The following ANKRD13C variants were observed in gnomAD, a reference collection of about 807,000 sequenced individuals.
ANKRD13C encodes the protein ankyrin repeat domain-containing protein 13C.
ANKRD13C carries 16 observed loss-of-function variants against 65.5 expected under a neutral mutation model. The ratio of observed to expected loss-of-function variants is 0.24; its 90% CI spans 0.17 to 0.37. ANKRD13C has a LOEUF of 0.37. ANKRD13C is among the 10% of genes least tolerant of loss of function. ANKRD13C has a pLI of 1.00. For synonymous variants in ANKRD13C, 235 were observed against 238.7 expected (o/e 0.98, Z 0.14); for missense variants, 503 against 655.9 (o/e 0.77, Z 2.55).
chr1:70,316,042 A>G (rs1293945826), intron 3 of ANKRD13C, among the ~76,000 whole-genome samples: 2 of 152,220 alleles, frequency 1.3e-5, no homozygotes, highest in Non-Finnish European at 2.9e-5. Context: ...GAAGATCTCA[A>G]AAACAACAGA....
chr1:70,263,502 TAC>T (rs141826122), intron 12 of ANKRD13C, among the ~76,000 whole-genome samples: 2,499 of 152,240 alleles, frequency 0.016, 52 homozygotes, highest in African/African-American at 0.046. Flanking sequence ...AATGAACAAA[TAC>T]ACATTAAATT....
intron 5 of ANKRD13C, among the ~76,000 whole-genome samples, chr1:70,308,874 ACT>A (rs1444149046): frequency 3.3e-5 from 5 of 152,030 alleles, no homozygotes; most frequent in East Asian, 1.9e-4. Context: ...GTCTGAAATA[ACT>A]CTTTTTCTCC....
At chr1:70,325,544 T>C (rs1004824303) in intron 2 of ANKRD13C, among the ~76,000 whole-genome samples, 3 of 152,220 alleles carry the variant, frequency 2.0e-5, no homozygotes, top group African/African-American at 7.2e-5. Flanking sequence ...GTCTAAGGTA[T>C]AGACCTTTCT....
At chr1:70,268,175 C>T (rs1312048685) in intron 12 of ANKRD13C, among the ~76,000 whole-genome samples, 1 of 151,742 alleles carries the variant, frequency 6.6e-6, no homozygotes, top group East Asian at 1.9e-4. Context: ...CTAGCTTCCC[C>T]GCCCCCACCT....
intron 2 of ANKRD13C, among the ~76,000 whole-genome samples, chr1:70,327,439 CTT>C (rs896934639): frequency 5.9e-5 from 9 of 152,134 alleles, no homozygotes; most frequent in African/African-American, 2.2e-4. Context: ...CTGGTCAAGA[CTT>C]TTCAAAAAGT....
Position 70,292,477 on chromosome 1 carries a change from C to T in ANKRD13C, c.1126G>A (p.Glu376Lys). ...AGAATATCCTCTTCACTGAGATGTT[C>T]TCTTCTTTTCCTTGATTCTAAAACA... is the stretch of plus-strand genomic sequence containing the variant. Reference protein sequence around the residue: ...GLVLESRKRREHLSEEDILRN... With the variant: ...GLVLESRKRRKHLSEEDILRN... Residue 376 changes from glutamate to lysine, a missense_variant, in exon 9 of 13, where the codon GAA (glutamate) becomes AAA (lysine). Physicochemically the swap from Glu to Lys is moderately conservative, Grantham distance 56. Coordinates refer to ENST00000370944, the MANE Select transcript of ANKRD13C (RefSeq NM_030816.5). 1 of 1,609,944 alleles carries T rather than the reference C, an allele frequency of 6.2e-7. No homozygotes were observed.
chr1:70,283,315 T>A (rs761508914), intron 9 of ANKRD13C, among the ~76,000 whole-genome samples: 2 of 152,324 alleles, frequency 1.3e-5, no homozygotes, highest in South Asian at 4.1e-4. Context: ...TTTTGCCAAA[T>A]CAATTGGCTC....
chr1:70,264,698 C>T (rs1241919452), intron 12 of ANKRD13C, among the ~76,000 whole-genome samples: 1 of 152,000 alleles, frequency 6.6e-6, no homozygotes, highest in African/African-American at 2.4e-5. Context: ...GTTTTGGATA[C>T]ACATCACTAA....
At chr1:70,288,239 G>C (rs2101223279) in intron 9 of ANKRD13C, among the ~76,000 whole-genome samples, 1 of 152,212 alleles carries the variant, frequency 6.6e-6, no homozygotes, top group East Asian at 1.9e-4. Flanking sequence ...AGAAAATAAT[G>C]ACAATACCAA....
At chr1:70,351,356 G>A (rs1247494221) in intron 1 of ANKRD13C, among the ~76,000 whole-genome samples, 1 of 152,112 alleles carries the variant, frequency 6.6e-6, no homozygotes, top group Non-Finnish European at 1.5e-5. Context: ...ATGCATTTAT[G>A]TTAAAGCAAT....
At chr1:70,275,512 T>C (rs1459247343) in intron 10 of ANKRD13C, among the ~76,000 whole-genome samples, 1 of 152,160 alleles carries the variant, frequency 6.6e-6, no homozygotes, top group Admixed American at 6.5e-5. Flanking sequence ...TCCTTTTTTT[T>C]TTTTCATTTT....
At chr1:70,336,241 T>C (rs565320478) in intron 1 of ANKRD13C, 142 bp from the exon 2 acceptor site, 33 of 243,156 alleles carry the variant, frequency 1.4e-4, no homozygotes, top group African/African-American at 7.4e-4. Flanking sequence ...ATATTGCTTA[T>C]ATAGCAAATT....
At chr1:70,342,581 T>G (rs994936571) in intron 1 of ANKRD13C, among the ~76,000 whole-genome samples, 4 of 151,988 alleles carry the variant, frequency 2.6e-5, no homozygotes, top group Non-Finnish European at 5.9e-5. Flanking sequence ...TACAATCAAA[T>G]GTATAAATTC....
chr1:70,330,525 T>C (rs901845225), intron 2 of ANKRD13C, among the ~76,000 whole-genome samples: 1 of 132,048 alleles, frequency 7.6e-6, no homozygotes, highest in Non-Finnish European at 1.5e-5. Context: ...GCCACTGCAC[T>C]CCAGGCTGGG....
chr1:70,304,522 A>G (rs1392293443), intron 6 of ANKRD13C, among the ~76,000 whole-genome samples: 2 of 151,762 alleles, frequency 1.3e-5, no homozygotes, highest in Non-Finnish European at 2.9e-5. Context: ...TCAGCCTCCC[A>G]GGTAGCTGGA....
At chr1:70,281,721 G>A (rs558060481) in intron 9 of ANKRD13C, among the ~76,000 whole-genome samples, 1 of 151,608 alleles carries the variant, frequency 6.6e-6, no homozygotes, top group South Asian at 2.1e-4. Flanking sequence ...CTAACCAATG[G>A]AATGTGAGCA....
intron 9 of ANKRD13C, among the ~76,000 whole-genome samples, chr1:70,282,205 C>A (rs1352562303): frequency 3.3e-5 from 5 of 151,628 alleles, no homozygotes; most frequent in South Asian, 2.1e-4. Context: ...CAGGTGTCCA[C>A]CACCACGCCC....
rs772969070 is a variant in ANKRD13C, at chr1:70,274,759, G to A, written c.1355C>T (p.Thr452Met). 3 of 1,613,704 alleles carry A rather than the reference G, an allele frequency of 1.9e-6. No individual in the cohort carries two copies. Among genetic ancestry groups the A allele is most frequent in the Non-Finnish European group, 2.5e-6 (3 of 1,179,836 alleles). The change falls in exon 11 of 13, where the codon ACG becomes ATG. Residue 452 changes from threonine to methionine, a missense_variant. Physicochemically the swap from Thr to Met is moderately conservative, Grantham distance 81. Around this residue, in one of 2 missense-constraint regions of ANKRD13C, gnomAD observed 300 missense variants for 478.3 expected, o/e 0.63. Transcript: ENST00000370944. Reference protein sequence around the residue: ...CKESKKTFKATIAMSQEFPLG... With the variant: ...CKESKKTFKAMIAMSQEFPLG... ...GGGAAATTCCTGGCTCATGGCTATC[G>A]TAGCTTTAAACGTTTTCTTACTCTC...
At chr1:70,345,930 G>A (rs1474121359) in intron 1 of ANKRD13C, among the ~76,000 whole-genome samples, 3 of 152,110 alleles carry the variant, frequency 2.0e-5, no homozygotes, top group African/African-American at 7.2e-5. Context: ...CATGAAAAAG[G>A]TGGCTAGCTC....
Sources: gnomAD v4.1 joint callset for allele counts (sites outside exome capture counted in the v4.1 genomes callset) on GRCh38, gnomAD v4.1.1 for gene constraint, gnomAD v4.1.1 regional missense constraint, MANE v1.5 for transcripts, NCBI Gene and HGNC (gene_info 2026-07-23, HGNC 2026-07-21) for gene names.